Variants in TATDN1 observed in about 807,000 individuals in gnomAD.
TATDN1 encodes deoxyribonuclease TATDN1.
Under a neutral mutation model 46.4 loss-of-function variants are expected in TATDN1, and 40 were observed. The observed-to-expected ratio is 0.86, with a 90% CI of 0.67 to 1.12. The LOEUF is 1.12. Ranked by LOEUF, TATDN1 falls within the 50% of genes most tolerant of loss-of-function variation. The pLI is 0.00. For synonymous variants in TATDN1, 95 were observed against 105.6 expected (o/e 0.90, Z 0.62); for missense variants, 326 against 348.4 (o/e 0.94, Z 0.51).
In TATDN1 at chr8:124,504,364, A is replaced by G. The variant is rs375738944; in HGVS notation, c.517-17T>C. ...TGAATGCACCTGGGGACATACAGGTATAAGTTTATTATTATAATAATTACT... is the reference window on the plus strand; with the variant it reads ...TGAATGCACCTGGGGACATACAGGTGTAAGTTTATTATTATAATAATTACT... On this transcript the variant is annotated splice_polypyrimidine_tract_variant and intron_variant, in intron 8 of 11. Transcript: ENST00000276692. The G allele has an allele frequency of 9.0e-5, 136 of 1,510,948 alleles. 2 individuals are homozygous for G. The highest frequency in any genetic ancestry group is 8.7e-4 in the African/African-American group (62 of 71,440). The allele number at this position is 1,510,948 out of a possible 1,614,324, so 93.6% of individuals were successfully genotyped here. A position where few individuals can be genotyped will look rare whatever the true frequency, so the allele number is the denominator to read the frequency against.
intron 1 of TATDN1, among the ~76,000 whole-genome samples, chr8:124,532,682 G>A (rs1821072132): frequency 6.6e-6 from 1 of 152,196 alleles, no homozygotes; most frequent in Non-Finnish European, 1.5e-5. Flanking sequence ...CATACGTGCT[G>A]TCTGCATAAA....
intron 1 of TATDN1, 115 bp downstream of exon 1, chr8:124,538,892 CGCCCTCCTCCACTGAGCG>C: frequency 1.0e-6 from 1 of 985,636 alleles, no homozygotes. Flanking sequence ...AACCTCCCCG[CGCCCTCCTCCACTGAGCG>C]GCCCTTTCAA....
At chr8:124,510,381 T>C (rs1400885983) in intron 6 of TATDN1, among the ~76,000 whole-genome samples, 1 of 152,208 alleles carries the variant, frequency 6.6e-6, no homozygotes, top group Non-Finnish European at 1.5e-5. Flanking sequence ...CTCTTCATTG[T>C]GTGCACTGCT....
chr8:124,531,886 G>A (rs1484124857), intron 1 of TATDN1, among the ~76,000 whole-genome samples: 1 of 152,238 alleles, frequency 6.6e-6, no homozygotes, highest in Non-Finnish European at 1.5e-5. Flanking sequence ...GATTATGTAT[G>A]AAGGTTGTTT....
At chr8:124,538,819 A>C in intron 1 of TATDN1, 1 of 620,658 alleles carries the variant, frequency 1.6e-6, no homozygotes, top group South Asian at 1.9e-5. Flanking sequence ...AATTTTTACA[A>C]ATAAATACAC....
intron 11 of TATDN1, chr8:124,490,024 A>G (rs1816828513): frequency 6.6e-6 from 1 of 152,238 alleles, no homozygotes; most frequent in Non-Finnish European, 1.5e-5. Context: ...AAGATACACT[A>G]AAAGCAAATC....
chr8:124,527,832 T>C (rs1820632998), intron 1 of TATDN1, among the ~76,000 whole-genome samples: 1 of 150,976 alleles, frequency 6.6e-6, no homozygotes, highest in Non-Finnish European at 1.5e-5. Flanking sequence ...CAATTGGACA[T>C]CCTAGATCAA....
chr8:124,488,668 T>C lies in TATDN1; in HGVS notation c.820A>G (p.Arg274Gly). The C allele has an allele frequency of 6.2e-7, 1 of 1,606,132 alleles. No homozygotes were observed. The highest frequency in any genetic ancestry group is 8.5e-7 in the Non-Finnish European group (1 of 1,173,466). ...GCTAATTCCAGTGGATCCTCATCTC[T>C]CACTGCTGACATTATCTCCAATATT... is the stretch of plus-strand genomic sequence containing the variant. ...IQILEIMSAV[R>G]DEDPLELANT... Residue 274 changes from arginine (R) to glycine (G), a missense_variant, in exon 12 of 12, where the codon AGA becomes GGA. Transcript: ENST00000276692.
At chr8:124,538,351 A>G (rs1252398861) in intron 1 of TATDN1, 1 of 153,326 alleles carries the variant, frequency 6.5e-6, no homozygotes, top group Admixed American at 6.5e-5. Context: ...CAGAGGTGTG[A>G]TCACTGTCAT....
chr8:124,527,221 G>C (rs1820577860), intron 1 of TATDN1, among the ~76,000 whole-genome samples: 1 of 152,224 alleles, frequency 6.6e-6, no homozygotes, highest in African/African-American at 2.4e-5. Context: ...ATGCGTGTAT[G>C]ATAAGCAAAC....
chr8:124,503,816 C>T, intron 9 of TATDN1: 1 of 920,038 alleles, frequency 1.1e-6, no homozygotes, highest in Non-Finnish European at 1.5e-6. Flanking sequence ...GACATGGGTT[C>T]TCATACTTGG....
chr8:124,523,027 T>G (rs1331569097), intron 1 of TATDN1, 25 bp from the exon 2 acceptor site: 10 of 1,596,710 alleles, frequency 6.3e-6, no homozygotes, highest in Non-Finnish European at 8.6e-6. Flanking sequence ...AGTCACTGAT[T>G]AATTATTGAG....
In TATDN1 at chr8:124,488,605, GA is replaced by G; in HGVS notation, c.882del (p.Pro295LeufsTer19). ...TLYNNTIKVF[F>X]PGI ...AAGACATATACCAATTATATTCCAG[GA>G]AAAAATACTTTAATAGTATTGTTAT... On this transcript the variant is annotated frameshift_variant, in exon 12 of 12. Transcript: ENST00000276692. LOFTEE classifies it high-confidence loss of function. The G allele has an allele frequency of 2.0e-6, 3 of 1,531,718 alleles. No individual in the cohort carries two copies. Among genetic ancestry groups the G allele is most frequent in the South Asian group, 1.2e-5 (1 of 85,362 alleles). The allele number at this position is 1,531,718 out of a possible 1,614,324, so 94.9% of individuals were successfully genotyped here. A position where few individuals can be genotyped will look rare whatever the true frequency, so the allele number is the denominator to read the frequency against.
intron 11 of TATDN1, chr8:124,491,768 ATAAT>A (rs1267115644): frequency 2.0e-5 from 3 of 152,214 alleles, no homozygotes; most frequent in African/African-American, 2.4e-5. Flanking sequence ...CTCTATAAAA[ATAAT>A]TAGAATGTAA....
intron 4 of TATDN1, 28 bp from the exon 5 acceptor site, chr8:124,516,058 TTTTCAAAGTATTTTCTCATATTTA>T: frequency 6.5e-7 from 1 of 1,546,180 alleles, no homozygotes; most frequent in Non-Finnish European, 8.7e-7. Context: ...CTTAGGATTA[TTTTCAAAGTATTTTCTCATATTTA>T]TATTTATTAT....
At chr8:124,537,861 C>T (rs1364299010) in intron 1 of TATDN1, among the ~76,000 whole-genome samples, 1 of 152,038 alleles carries the variant, frequency 6.6e-6, no homozygotes, top group Non-Finnish European at 1.5e-5. Flanking sequence ...TTGCTTTTGA[C>T]TGTACAGTAC....
At position 124,492,352 on chromosome 8, in the gene TATDN1, C is replaced by T. The variant is rs561300716; in HGVS notation, c.791+1481G>A. Reference sequence around the variant, plus strand: ...CTTGCAAATATATAGCTAAAGTCAACAGCTATAATCTTACATAAGATTAAG... The same window carrying T: ...CTTGCAAATATATAGCTAAAGTCAATAGCTATAATCTTACATAAGATTAAG... On this transcript the variant is annotated intron_variant, in intron 11 of 11. Transcript: ENST00000276692. Among the ~76,000 whole-genome samples the T allele has an allele frequency of 9.6e-4, 146 of 152,280 alleles. 1 individual carries two copies. The South Asian group carries it at 0.013, about 14-fold the overall frequency.
intron 4 of TATDN1, 37 bp downstream of exon 4, chr8:124,518,777 CTTAA>C (rs766921000): frequency 1.4e-5 from 20 of 1,469,924 alleles, no homozygotes; most frequent in Non-Finnish European, 1.8e-5. Flanking sequence ...TTCAAAATTA[CTTAA>C]TTCATTTTTT....
intron 6 of TATDN1, among the ~76,000 whole-genome samples, chr8:124,511,604 T>C (rs1018200813): frequency 6.6e-6 from 1 of 152,170 alleles, no homozygotes; most frequent in Non-Finnish European, 1.5e-5. Flanking sequence ...GGATAAACTT[T>C]CCATAAGTAG....
Sources: allele counts gnomAD v4.1 joint callset (sites outside exome capture counted in the v4.1 genomes callset), GRCh38; gene constraint gnomAD v4.1.1; transcripts MANE v1.5; gene names NCBI Gene and HGNC (gene_info 2026-07-23, HGNC 2026-07-21).